The following MGAT4C variants were observed in gnomAD, a reference collection of about 807,000 sequenced individuals.
MGAT4C encodes alpha-1,3-mannosyl-glycoprotein 4-beta-N-acetylglucosaminyltransferase C.
A neutral mutation model predicts 40.1 loss-of-function variants in MGAT4C; 19 were observed. The observed-to-expected ratio is 0.47, with a 90% confidence interval of 0.33 to 0.70. The LOEUF is 0.70. Ranked by LOEUF, MGAT4C falls within the 30% of genes least tolerant of loss-of-function variation. MGAT4C has a pLI of 0.02. For missense variants in MGAT4C, 491 were observed against 563.2 expected, an observed-to-expected ratio of 0.87 and a Z score of 1.30; for synonymous variants, 181 against 187.1, an observed-to-expected ratio of 0.97 and a Z score of 0.27.
At chr12:86,771,185 A>G (rs1328928295) in intron 1 of MGAT4C, among the ~76,000 whole-genome samples, 1 of 152,116 alleles carries the variant, frequency 6.6e-6, no homozygotes, top group East Asian at 1.9e-4. Context: ...TGAATAAACC[A>G]TCCCTGTCAC....
intron 1 of MGAT4C, among the ~76,000 whole-genome samples, chr12:86,208,942 TTA>T (rs1406864667): frequency 6.6e-6 from 1 of 152,164 alleles, no homozygotes; most frequent in African/African-American, 2.4e-5. Flanking sequence ...TCTAATAACT[TTA>T]TGTCTTAGTT....
At chr12:86,297,708 A>G (rs1321146798) in intron 4 of MGAT4C, among the ~76,000 whole-genome samples, 5 of 152,296 alleles carry the variant, frequency 3.3e-5, no homozygotes, top group Non-Finnish European at 7.4e-5. Context: ...TTTGACTACT[A>G]TCAACTCATA....
chr12:86,182,744 G>A (rs1189523910), intron 1 of MGAT4C, among the ~76,000 whole-genome samples: 1 of 152,146 alleles, frequency 6.6e-6, no homozygotes, highest in Non-Finnish European at 1.5e-5. Flanking sequence ...CAGCAATAGA[G>A]TATATCAAAC....
At chr12:86,484,716 G>A (rs1301910737) in intron 2 of MGAT4C, among the ~76,000 whole-genome samples, 2 of 152,288 alleles carry the variant, frequency 1.3e-5, no homozygotes, top group African/African-American at 2.4e-5. Context: ...GGAAGAGTGA[G>A]ACCTGTCAGT....
intron 2 of MGAT4C, among the ~76,000 whole-genome samples, chr12:86,493,068 A>G (rs1474818900): frequency 4.0e-5 from 6 of 150,670 alleles, no homozygotes; most frequent in Non-Finnish European, 7.3e-5. Context: ...ACTGGCCATG[A>G]GAGAAATGCA....
At position 86,117,470 on chromosome 12, in the gene MGAT4C, T is replaced by C. The variant is rs190842166; in HGVS notation, c.-56-67747A>G. 7.9e-5 allele frequency among the ~76,000 whole-genome samples: 12 copies of C among 152,282 alleles called. No homozygotes were observed. In the East Asian group the frequency reaches 2.3e-3, roughly 29 times the overall value. The stretch of plus-strand genomic sequence containing the variant: ...TTTTTTTGAAGCTTATACCTGATGA[T>C]AGACTATGGCAAATTAGAGGAGATG... On this transcript the variant is annotated intron_variant, in intron 1 of 4. Transcript: ENST00000611864.
intron 2 of MGAT4C, among the ~76,000 whole-genome samples, chr12:86,534,780 A>G (rs1460283628): frequency 1.3e-5 from 2 of 152,044 alleles, no homozygotes; most frequent in Non-Finnish European, 2.9e-5. Context: ...TATAACTCTC[A>G]CTTACTTTTC....
chr12:86,266,488 G>A (rs1345614578), intron 4 of MGAT4C, among the ~76,000 whole-genome samples: 2 of 151,964 alleles, frequency 1.3e-5, no homozygotes, highest in Non-Finnish European at 2.9e-5. Context: ...GTGTAAAACC[G>A]AATTTATTGT....
intron 2 of MGAT4C, among the ~76,000 whole-genome samples, chr12:86,703,302 T>C (rs1360666597): frequency 6.6e-6 from 1 of 152,236 alleles, no homozygotes; most frequent in Non-Finnish European, 1.5e-5. Context: ...GAGGATTGGT[T>C]CCAATTTTGA....
intron 2 of MGAT4C, among the ~76,000 whole-genome samples, chr12:86,702,261 T>C (rs1593130744): frequency 6.6e-6 from 1 of 151,398 alleles, no homozygotes; most frequent in African/African-American, 2.4e-5. Context: ...CCCAGGCTGG[T>C]CTTGAATTTC....
At chr12:86,820,348 A>G (rs1952684039) in intron 1 of MGAT4C, among the ~76,000 whole-genome samples, 1 of 150,802 alleles carries the variant, frequency 6.6e-6, no homozygotes, top group Admixed American at 6.6e-5. Flanking sequence ...CAGTATGACA[A>G]AGACTTCATT....
rs147274439 is a variant in MGAT4C at position 86,324,208 on chromosome 12, A to G, written c.-57+9857T>C. On this transcript the variant is annotated intron_variant, in intron 4 of 7. Coordinates refer to the MGAT4C transcript ENST00000548651. ...TATGTATTGCCCCTTTCTTTTAGTT[A>G]TCTATCTTACAAATTTAGGCAGATT... Among the ~76,000 whole-genome samples, 271 of 152,002 alleles carry G rather than the reference A, an allele frequency of 1.8e-3. 1 individual carries two copies. Among genetic ancestry groups the G allele is most frequent in the Non-Finnish European group, 2.7e-3 (183 of 67,792 alleles).
intron 3 of MGAT4C, among the ~76,000 whole-genome samples, chr12:86,400,230 T>A (rs917125159): frequency 2.0e-5 from 3 of 152,232 alleles, no homozygotes; most frequent in African/African-American, 7.2e-5. Flanking sequence ...GGGGAAACAA[T>A]TTGTCTTTTT....
chr12:86,460,075 G>A (rs1270423018), intron 2 of MGAT4C, among the ~76,000 whole-genome samples: 1 of 152,030 alleles, frequency 6.6e-6, no homozygotes, highest in Non-Finnish European at 1.5e-5. Context: ...TTGAGGCGTT[G>A]GTGTGATGGT....
At chr12:86,729,440 G>A (rs887773194) in intron 1 of MGAT4C, among the ~76,000 whole-genome samples, 12 of 152,028 alleles carry the variant, frequency 7.9e-5, no homozygotes, top group African/African-American at 2.9e-4. Flanking sequence ...ACTGAAGGCA[G>A]GTGTAAAAGA....
chr12:85,983,661 T>C lies in MGAT4C; in HGVS notation c.157A>G (p.Lys53Glu). Residue 53 changes from lysine to glutamate, a missense_variant, in exon 4 of 5, where the codon AAA (lysine) becomes GAA (glutamate). By Grantham distance (56) the Lys-to-Glu change is moderately conservative (BLOSUM62 1). Transcript: ENST00000611864. ...IEDSYVLEGD[K>E]QLIRETSTHQ... ...GTGGATGTTTCCCTTATAAGTTGTT[T>C]GTCTCCTTCCTAAATACCAAGAAAG... The C allele has an allele frequency of 1.3e-6, 2 of 1,575,310 alleles. No homozygotes were observed. Among genetic ancestry groups the C allele is most frequent in the South Asian group, 2.4e-5 (2 of 83,862 alleles).
Position 86,054,640 on chromosome 12 carries a change from A to G in MGAT4C, c.-56-4917T>C, listed in dbSNP as rs538540248. On this transcript the variant is annotated intron_variant, in intron 1 of 4. Coordinates refer to ENST00000611864, the MANE Select transcript of MGAT4C (RefSeq NM_001351288.2). ...TTTAGCCATTCCACAATGTATATATATTTTAAAACATCATGTTTTACAAGA... is the reference window on the plus strand; with the variant it reads ...TTTAGCCATTCCACAATGTATATATGTTTTAAAACATCATGTTTTACAAGA... Among the ~76,000 whole-genome samples the G allele has an allele frequency of 8.5e-5, 13 of 152,124 alleles. No individual in the cohort carries two copies. In the East Asian group the frequency reaches 2.5e-3, roughly 29 times the overall value.
intron 2 of MGAT4C, among the ~76,000 whole-genome samples, chr12:86,501,633 T>C (rs1958344962): frequency 6.6e-6 from 1 of 152,062 alleles, no homozygotes. Flanking sequence ...CTGAGCATAA[T>C]GGCTCTCAGG....
intron 2 of MGAT4C, among the ~76,000 whole-genome samples, chr12:86,024,796 T>C (rs1355876247): frequency 1.3e-5 from 2 of 151,878 alleles, no homozygotes; most frequent in African/African-American, 4.8e-5. Context: ...AGTATCTGTG[T>C]TCTAGGGACA....
Sources: allele counts gnomAD v4.1 joint callset (sites outside exome capture counted in the v4.1 genomes callset), GRCh38; gene constraint gnomAD v4.1.1; transcripts MANE v1.5; gene names NCBI Gene and HGNC (gene_info 2026-07-23, HGNC 2026-07-21).